Variants in CARD9 observed in about 807,000 individuals in gnomAD.
CARD9 encodes the protein caspase recruitment domain-containing protein 9.
CARD9 carries 53 observed loss-of-function variants against 66.0 expected under a neutral mutation model. The ratio of observed to expected loss-of-function variants is 0.80; its 90% CI spans 0.64 to 1.01. The LOEUF (loss-of-function observed/expected upper bound fraction) is 1.01. Among genes scored for constraint, CARD9 ranks in the 50% least tolerant of loss-of-function variants. CARD9 has a pLI of 0.00. For missense variants in CARD9, 769 were observed against 743.2 expected (o/e 1.03, Z -0.40); for synonymous variants, 387 against 313.8 (o/e 1.23, Z -2.47).
In CARD9 at chr9:136,371,926, G is replaced by T. The variant is rs1833285586; in HGVS notation, c.153C>A (p.Asp51Glu). The change falls in exon 2 of 13, where the codon GAC becomes GAA. Residue 51 changes from aspartate (D) to glutamate (E), a missense_variant. Asp to Glu is a conservative substitution (Grantham distance 45). Transcript: ENST00000371732. Reference protein sequence around the residue: ...NPDDEEQVLSDPNLVIRKRKV... With the variant: ...NPDDEEQVLSEPNLVIRKRKV... ...TCCGTTTGCGGATGACCAGGTTGGG[G>T]TCGCTGAGCACCTGCTCCTCATCAT... 1.2e-6 allele frequency: 2 copies of T among 1,607,506 alleles called. No homozygotes were observed. The highest frequency in any genetic ancestry group is 1.7e-6 in the Non-Finnish European group (2 of 1,175,652).
chr9:136,371,441 G>C lies in CARD9; in HGVS notation c.205C>G (p.Gln69Glu). The C allele has an allele frequency of 6.3e-7, 1 of 1,581,470 alleles. No individual in the cohort carries two copies. Among genetic ancestry groups the C allele is most frequent in the Non-Finnish European group, 8.6e-7 (1 of 1,163,204 alleles). The stretch of plus-strand genomic sequence containing the variant: ...ACGTAGCCCTTGTGGCCGGTCCGCT[G>C]CAGGATGTCCAGGAGCACACCTGCG... ...RKVGVLLDIL[Q>E]RTGHKGYVAF... Residue 69 changes from glutamine to glutamate, a missense_variant, in exon 3 of 13, where the codon CAG becomes GAG. By Grantham distance (29) the Gln-to-Glu change is conservative. Coordinates refer to ENST00000371732, the MANE Select transcript of CARD9 (RefSeq NM_052813.5).
intron 6 of CARD9, 173 bp from the exon 7 acceptor site, chr9:136,370,048 C>T: frequency 7.0e-7 from 1 of 1,421,198 alleles, no homozygotes; most frequent in Non-Finnish European, 9.4e-7. Context: ...CGCGGCAGGA[C>T]AGGGCCCTCC....
At chr9:136,367,556 G>A in intron 8 of CARD9, 81 bp downstream of exon 8, 1 of 1,467,862 alleles carries the variant, frequency 6.8e-7, no homozygotes, top group East Asian at 2.5e-5. Context: ...GGGTCGGGAA[G>A]GCCGGGGCTG....
chr9:136,365,437 AG>A, intron 10 of CARD9: 1 of 583,810 alleles, frequency 1.7e-6, no homozygotes, highest in South Asian at 2.0e-5. Flanking sequence ...ATGCCAGCCC[AG>A]GCCCAACGCT....
intron 11 of CARD9, 132 bp from the exon 12 acceptor site, chr9:136,364,691 G>GC (rs1291887842): frequency 2.3e-6 from 2 of 883,622 alleles, no homozygotes; most frequent in African/African-American, 1.7e-5. Context: ...TCAGCTCAGC[G>GC]CCAAGCTCTC....
chr9:136,365,407 T>C (rs999992207), intron 10 of CARD9, 190 bp from the exon 11 acceptor site: 3 of 603,060 alleles, frequency 5.0e-6, no homozygotes, highest in South Asian at 3.9e-5. Context: ...TGCCTGTTCA[T>C]TGCTCCAGGA....
At position 136,366,856 on chromosome 9, in the gene CARD9, G is replaced by A. The variant is rs957941964; in HGVS notation, c.1312-11C>T. On this transcript the variant is annotated splice_polypyrimidine_tract_variant and intron_variant, in intron 9 of 12. Transcript: ENST00000371732. Reference sequence around the variant, plus strand: ...CTGGGGGAGTGAGAGCTTCCAAAGAGAGTCAAGATGTCCCATTAGGCCACT... The same window carrying A: ...CTGGGGGAGTGAGAGCTTCCAAAGAAAGTCAAGATGTCCCATTAGGCCACT... 3 of 1,612,896 alleles carry A rather than the reference G, an allele frequency of 1.9e-6. No individual in the cohort carries two copies. The highest frequency in any genetic ancestry group is 2.5e-6 in the Non-Finnish European group (3 of 1,179,940).
chr9:136,364,451 G>A (rs1833066752), intron 12 of CARD9, 32 bp downstream of exon 12: 5 of 1,541,082 alleles, frequency 3.2e-6, no homozygotes, highest in African/African-American at 1.4e-5. Context: ...TCCCCAGCCC[G>A]TTTTGGAGAA....
At chr9:136,369,950 G>A (rs1262215161) in intron 6 of CARD9, 75 bp from the exon 7 acceptor site, 14 of 1,595,060 alleles carry the variant, frequency 8.8e-6, no homozygotes, top group Admixed American at 3.4e-5. Context: ...CTCCGGGCAG[G>A]GGCTCAGAAG....
Position 136,370,991 on chromosome 9 carries a change from C to T in CARD9, c.477G>A (p.Glu159=). The change falls in exon 4 of 13, where the codon GAG becomes GAA. Residue 159 remains glutamate, a synonymous_variant. Transcript: ENST00000371732. ...ACTCCTCCTTGAGCCTCTGCACACG[C>T]TCCTGGTGCTTGCGCAGCAGGCTGT... is the stretch of plus-strand genomic sequence containing the variant. ...VKDSLLRKHQ[E]RVQRLKEECE... 1 of 1,611,350 alleles carries T rather than the reference C, an allele frequency of 6.2e-7. No individual in the cohort carries two copies. Among genetic ancestry groups the T allele is most frequent in the Middle Eastern group, 1.7e-4 (1 of 6,054 alleles).
chr9:136,366,976 A>C, intron 9 of CARD9, 131 bp from the exon 10 acceptor site: 1 of 1,178,754 alleles, frequency 8.5e-7, no homozygotes, highest in Non-Finnish European at 1.3e-6. Context: ...AGAGCTTCTC[A>C]GAGACTCAGG....
intron 8 of CARD9, 127 bp downstream of exon 8, chr9:136,367,510 G>T (rs749349863): frequency 2.5e-6 from 3 of 1,196,980 alleles, no homozygotes; most frequent in Non-Finnish European, 2.3e-6. Context: ...GCCAGGAGGG[G>T]TTTGGTTAGG....
Position 136,370,623 on chromosome 9 carries a change from G to C in CARD9, c.706C>G (p.His236Asp). The part of the protein sequence containing the change: ...VERKHTLKLR[H>D]AMEQRPSQEL... ...TGGCTGGGCCGCTGCTCCATGGCGT[G>C]CCTGAGCTTCAGCGTGTGCTTGCGC... Residue 236 changes from histidine (H) to aspartate (D), a missense_variant, in exon 5 of 13, where the codon CAC (histidine) becomes GAC (aspartate). Coordinates refer to ENST00000371732, the MANE Select transcript of CARD9 (RefSeq NM_052813.5). 1 of 1,612,740 alleles carries C rather than the reference G, an allele frequency of 6.2e-7. No homozygotes were observed. The highest frequency in any genetic ancestry group is 1.6e-4 in the Middle Eastern group (1 of 6,062).
At chr9:136,371,713 G>A (rs1358498998) in intron 2 of CARD9, among the ~76,000 whole-genome samples, 182 bp downstream of exon 2, 3 of 152,220 alleles carry the variant, frequency 2.0e-5, no homozygotes, top group Admixed American at 6.5e-5. Flanking sequence ...GCACCAAGCC[G>A]GCAGGAGAGG....
intron 1 of CARD9, among the ~76,000 whole-genome samples, chr9:136,372,452 C>A (rs1170193291): frequency 6.6e-6 from 1 of 152,242 alleles, no homozygotes; most frequent in Non-Finnish European, 1.5e-5. Flanking sequence ...CCTCTGGCCT[C>A]TGCCTCCTGG....
rs1564365682 is a variant in CARD9 at position 136,364,357 on chromosome 9, T to TC, written c.1555dup (p.Glu519GlyfsTer16). 1 of 1,569,448 alleles carries TC rather than the reference T, an allele frequency of 6.4e-7. No homozygotes were observed. Among genetic ancestry groups the TC allele is most frequent in the Admixed American group, 1.8e-5 (1 of 54,094 alleles). ...GCCCGTGGTGTTCTCCCGGTCCTCC[T>TC]CCCCCTGCCGCCATCCTTTCTGCAT... On this transcript the variant is annotated frameshift_variant, in exon 13 of 13. Transcript: ENST00000371732. LOFTEE classifies it high-confidence loss of function.
intron 10 of CARD9, chr9:136,366,456 G>A (rs1047475262): frequency 2.5e-6 from 1 of 394,070 alleles, no homozygotes; most frequent in Non-Finnish European, 4.7e-6. Flanking sequence ...GACTGGGCCT[G>A]CTCACCTCTG....
At position 136,365,258 on chromosome 9, in the gene CARD9, T is replaced by C. The variant is rs764033668; in HGVS notation, c.1358-41A>G. The C allele has an allele frequency of 1.9e-6, 3 of 1,591,688 alleles. No individual in the cohort carries two copies. The South Asian group carries it at 3.3e-5, about 18-fold the overall frequency. On this transcript the variant is annotated intron_variant, in intron 10 of 12. Transcript: ENST00000371732. ...GTGCCTGTGGGACCTGCCCATCTGCTGGGCCACGTATAGCACGGCTGCCCC... is the reference window on the plus strand; with the variant it reads ...GTGCCTGTGGGACCTGCCCATCTGCCGGGCCACGTATAGCACGGCTGCCCC...
At chr9:136,364,833 C>T (rs1009857492) in intron 11 of CARD9, 9 of 597,000 alleles carry the variant, frequency 1.5e-5, no homozygotes, top group Non-Finnish European at 2.7e-5. Flanking sequence ...ACAACAAAGC[C>T]CGAGGTGGTG....
Sources: gnomAD v4.1 joint callset for allele counts (sites outside exome capture counted in the v4.1 genomes callset) on GRCh38, gnomAD v4.1.1 for gene constraint, MANE v1.5 for transcripts, NCBI Gene and HGNC (gene_info 2026-07-23, HGNC 2026-07-21) for gene names.